APPL2: variants seen among roughly 807,000 people sequenced by gnomAD.
APPL2 encodes adaptor protein, phosphotyrosine interacting with PH domain and leucine zipper 2.
Under a neutral mutation model 92.7 loss-of-function variants are expected in APPL2, and 84 were observed. That is an observed-to-expected ratio of 0.91 (90% confidence interval 0.76 to 1.09). APPL2 has a LOEUF of 1.09. Among genes scored for constraint, APPL2 ranks in the 50% least tolerant of loss-of-function variants. The pLI is 0.00. For missense variants in APPL2, 736 were observed against 824.5 expected (o/e 0.89, Z 1.31); for synonymous variants, 291 against 291.0 (o/e 1.00, Z 0.00).
At chr12:105,176,108 T>C (rs779765210) in intron 19 of APPL2, 26 bp from the exon 20 acceptor site, 10 of 1,579,388 alleles carry the variant, frequency 6.3e-6, no homozygotes, top group African/African-American at 2.7e-5. Context: ...AAAGTAGTGA[T>C]TGGCAAAAGT....
At chr12:105,209,017 T>C (rs1191749385) in intron 5 of APPL2, among the ~76,000 whole-genome samples, 8 of 152,232 alleles carry the variant, frequency 5.3e-5, no homozygotes, top group Admixed American at 1.3e-4. Context: ...GCGTTATTCA[T>C]ACTCTTTTGG....
intron 4 of APPL2, among the ~76,000 whole-genome samples, chr12:105,215,239 C>T (rs1255473356): frequency 2.0e-5 from 3 of 152,060 alleles, no homozygotes; most frequent in Non-Finnish European, 2.9e-5. Context: ...GGTAGTCTGG[C>T]GGGATCATGC....
chr12:105,207,899 A>G, intron 7 of APPL2, 72 bp downstream of exon 7: 2 of 1,398,224 alleles, frequency 1.4e-6, no homozygotes, highest in Non-Finnish European at 2.0e-6. Context: ...TTCATGCCAT[A>G]AATTCACAAG....
intron 2 of APPL2, among the ~76,000 whole-genome samples, chr12:105,218,492 G>A (rs953685439): frequency 2.6e-5 from 4 of 152,208 alleles, no homozygotes; most frequent in Non-Finnish European, 5.9e-5. Context: ...ACAGTCTCCA[G>A]GGAACAGATG....
intron 9 of APPL2, among the ~76,000 whole-genome samples, chr12:105,202,157 C>T (rs567129479): frequency 1.2e-4 from 18 of 152,304 alleles, no homozygotes; most frequent in African/African-American, 3.4e-4. Flanking sequence ...GTTTGGAAAC[C>T]CCATCAGCTG....
rs1566044703 is a variant in APPL2 at position 105,176,865 on chromosome 12, GAA to G, written c.1812+9_1812+10del. On this transcript the variant is annotated intron_variant, in intron 19 of 20. Coordinates refer to ENST00000258530, the MANE Select transcript of APPL2 (RefSeq NM_018171.5). Reference sequence around the variant, plus strand: ...CTGGGATATTATGGGATCTTCACATGAAAAAGAGACCTTTTCGCCTTCTGAGT... The same window carrying G: ...CTGGGATATTATGGGATCTTCACATGAAAGAGACCTTTTCGCCTTCTGAGT... The G allele has an allele frequency of 6.2e-7, 1 of 1,612,534 alleles. No homozygotes were observed. Among genetic ancestry groups the G allele is most frequent in the South Asian group, 1.1e-5 (1 of 90,904 alleles).
intron 10 of APPL2, among the ~76,000 whole-genome samples, chr12:105,199,015 A>G (rs1350211542): frequency 2.0e-5 from 3 of 152,230 alleles, no homozygotes; most frequent in African/African-American, 7.2e-5. Context: ...GTAGGTCTCC[A>G]GCACATGGCT....
chr12:105,213,375 C>T (rs1371606140), intron 4 of APPL2, among the ~76,000 whole-genome samples: 2 of 152,220 alleles, frequency 1.3e-5, no homozygotes, highest in Non-Finnish European at 2.9e-5. Context: ...ACAACTTTAG[C>T]ATCACCATAT....
rs576532485 is a variant in APPL2, at chr12:105,175,203, C to T, written c.1861-755G>A. 1.2e-3 allele frequency among the ~76,000 whole-genome samples: 180 copies of T among 152,296 alleles called. 1 individual carries two copies. Among genetic ancestry groups the T allele is most frequent in the Non-Finnish European group, 2.2e-3 (151 of 68,012 alleles). On this transcript the variant is annotated intron_variant, in intron 20 of 20. Coordinates refer to ENST00000258530, the MANE Select transcript of APPL2 (RefSeq NM_018171.5). The stretch of plus-strand genomic sequence containing the variant: ...CTGGCCTGCTTTTGTCTTATGATAG[C>T]AGAGTTGAATCTGTTGCAAGGGAGA...
chr12:105,182,653 G>T (rs565223744), intron 17 of APPL2, among the ~76,000 whole-genome samples: 3 of 152,294 alleles, frequency 2.0e-5, no homozygotes, highest in African/African-American at 7.2e-5. Flanking sequence ...TTTTGCATTT[G>T]TTGAGGAGTA....
chr12:105,191,914 T>C (rs1018558585), intron 14 of APPL2, among the ~76,000 whole-genome samples: 6 of 152,134 alleles, frequency 3.9e-5, no homozygotes, highest in Admixed American at 3.9e-4. Context: ...CCCCTCCCTC[T>C]CCTTTCTCCC....
rs1890731701 is a variant in APPL2 at position 105,229,105 on chromosome 12, G to A, written c.153+20C>T. On this transcript the variant is annotated intron_variant, in intron 2 of 20. Transcript: ENST00000258530. ...GAGAATGCCCACTCTGCGGTATCCA[G>A]GTGAGGGGTGGCAGCATACCTGGGC... 2 of 1,603,336 alleles carry A rather than the reference G, an allele frequency of 1.2e-6. No homozygotes were observed. The highest frequency in any genetic ancestry group is 1.3e-5 in the African/African-American group (1 of 74,610).
At chr12:105,222,216 C>A (rs60550375) in intron 2 of APPL2, among the ~76,000 whole-genome samples, 2 of 152,014 alleles carry the variant, frequency 1.3e-5, no homozygotes, top group Non-Finnish European at 2.9e-5. Flanking sequence ...TTTATTCCAG[C>A]GGCAGTGGGG....
At chr12:105,232,998 C>T (rs1011667948) in intron 1 of APPL2, 3 of 750,472 alleles carry the variant, frequency 4.0e-6, no homozygotes, top group Non-Finnish European at 4.9e-6. Flanking sequence ...TTCTTTGTTC[C>T]GTTATGCCAA....
chr12:105,182,273 C>T (rs1886182896), intron 17 of APPL2, among the ~76,000 whole-genome samples: 1 of 152,238 alleles, frequency 6.6e-6, no homozygotes, highest in African/African-American at 2.4e-5. Flanking sequence ...AGGTGATCCA[C>T]CTGCCTTGGC....
At position 105,207,218 on chromosome 12, in the gene APPL2, G is replaced by T. The variant is rs1431291657; in HGVS notation, c.475-11C>A. On this transcript the variant is annotated splice_polypyrimidine_tract_variant and intron_variant, in intron 7 of 20. Transcript: ENST00000258530. ...GACTTCGGTCTTCACCTGGTTAAAA[G>T]GTGAAAGGAAAACTTCAAGTTGTCT... The T allele has an allele frequency of 1.2e-6, 2 of 1,607,914 alleles. No individual in the cohort carries two copies. The highest frequency in any genetic ancestry group is 1.7e-6 in the Non-Finnish European group (2 of 1,178,164).
chr12:105,229,640 C>A (rs1370852236), intron 1 of APPL2: 5 of 992,546 alleles, frequency 5.0e-6, no homozygotes, highest in Non-Finnish European at 6.0e-6. Flanking sequence ...GGGGTGTGGT[C>A]ATCTAGCACA....
Position 105,207,169 on chromosome 12 carries a change from C to T in APPL2, c.513G>A (p.Arg171=), listed in dbSNP as rs1888779821. The change falls in exon 8 of 21, where the codon CGG becomes CGA. Residue 171 remains arginine, a synonymous_variant. Coordinates refer to ENST00000258530, the MANE Select transcript of APPL2 (RefSeq NM_018171.5). ...TEVGKEVAAA[R]RKQHLSSLQY... is the part of the protein sequence containing the mutation. Reference sequence around the variant, plus strand: ...GAAGGGAGGAGAGGTGCTGCTTCCGCCGGGCCGCGGCCACCTCTTTTCCGA... The same window carrying T: ...GAAGGGAGGAGAGGTGCTGCTTCCGTCGGGCCGCGGCCACCTCTTTTCCGA... 6.2e-7 allele frequency: 1 copy of T among 1,613,988 alleles called. No individual in the cohort carries two copies. Among genetic ancestry groups the T allele is most frequent in the East Asian group, 2.2e-5 (1 of 44,886 alleles).
intron 17 of APPL2, among the ~76,000 whole-genome samples, chr12:105,180,939 TTGA>T (rs1886052700): frequency 3.3e-5 from 5 of 152,292 alleles, no homozygotes; most frequent in Admixed American, 3.3e-4. Flanking sequence ...CTCTTCCTAT[TTGA>T]ATACCCTCAT....
Sources: gnomAD v4.1 joint callset for allele counts (sites outside exome capture counted in the v4.1 genomes callset) on GRCh38, gnomAD v4.1.1 for gene constraint, MANE v1.5 for transcripts, NCBI Gene and HGNC (gene_info 2026-07-23, HGNC 2026-07-21) for gene names.